SLC9A3: variants seen among roughly 807,000 people sequenced by gnomAD.
SLC9A3 encodes the protein sodium/hydrogen exchanger 3.
In SLC9A3, 37 loss-of-function variants were observed where a neutral mutation model predicts 86.8. That is an observed-to-expected ratio of 0.43 (90% CI 0.33 to 0.56). The LOEUF is 0.56. SLC9A3 is among the 20% of genes least tolerant of loss of function. The pLI is 0.06. For synonymous variants in SLC9A3, 581 were observed against 528.3 expected, an observed-to-expected ratio of 1.10 and a Z score of -1.37; for missense variants, 1,011 against 1,171.9, an observed-to-expected ratio of 0.86 and a Z score of 2.00.
chr5:502,074 C>T (rs1487755480), intron 1 of SLC9A3, among the ~76,000 whole-genome samples: 1 of 152,294 alleles, frequency 6.6e-6, no homozygotes, highest in Non-Finnish European at 1.5e-5. Context: ...ACATTTACAA[C>T]ACTCGAGCAA....
Position 488,384 on chromosome 5 carries a change from C to A in SLC9A3, c.607G>T (p.Val203Phe), listed in dbSNP as rs1166317282. ...PVAVLAVFEE[V>F]HVNEVLFIIV... is the part of the protein sequence containing the mutation. ...ATGAACAGGACCTCGTTGACATGGA[C>A]CTCCTCAAACACGGCCAGGACGGCC... Residue 203 changes from valine to phenylalanine, a missense_variant, in exon 3 of 17, where the codon GTC becomes TTC. By Grantham distance (50) the Val-to-Phe change is conservative. This residue lies in a region of SLC9A3 where 565 missense variants were observed against 790.0 expected (regional missense o/e 0.72). Coordinates refer to ENST00000264938, the MANE Select transcript of SLC9A3 (RefSeq NM_004174.4). 1 of 1,612,364 alleles carries A rather than the reference C, an allele frequency of 6.2e-7. No individual in the cohort carries two copies. Among genetic ancestry groups the A allele is most frequent in the Admixed American group, 1.7e-5 (1 of 59,980 alleles).
chr5:517,228 GCCAT>G (rs1310082557), intron 1 of SLC9A3, among the ~76,000 whole-genome samples: 2 of 137,488 alleles, frequency 1.5e-5, no homozygotes, highest in African/African-American at 2.8e-5. Context: ...TCACGCATCA[GCCAT>G]CCATCCATCT....
At chr5:481,443 G>A (rs957359045) in intron 9 of SLC9A3, 122 bp downstream of exon 9, 24 of 860,802 alleles carry the variant, frequency 2.8e-5, no homozygotes, top group East Asian at 2.4e-4. Flanking sequence ...ATGGGGCACC[G>A]GAGCCCTGAC....
chr5:498,273 G>A (rs1033963169), intron 1 of SLC9A3, among the ~76,000 whole-genome samples: 4 of 152,074 alleles, frequency 2.6e-5, no homozygotes, highest in Non-Finnish European at 4.4e-5. Context: ...TGCTGCTTCC[G>A]TGACTCACAT....
chr5:505,708 T>G (rs551682679), intron 1 of SLC9A3, among the ~76,000 whole-genome samples: 7 of 12,658 alleles, frequency 5.5e-4, no homozygotes, highest in Non-Finnish European at 9.3e-4. Context: ...GGGGGTGGGG[T>G]GGAGAGTGAC....
At position 479,884 on chromosome 5, in the gene SLC9A3, A is replaced by G. The variant is rs778170621; in HGVS notation, c.1599T>C (p.Asn533=). The change falls in exon 10 of 17, where the codon AAT becomes AAC. Residue 533 remains asparagine (N), a synonymous_variant. Coordinates refer to ENST00000264938, the MANE Select transcript of SLC9A3 (RefSeq NM_004174.4). The part of the protein sequence containing the change: ...SAQKSRDRIL[N]VFHELNLKDA... Reference sequence around the variant, plus strand: ...CCTTCAGGTTCAGCTCGTGGAAGACATTCAGGATCCGGTCTCGAGACTTCT... The same window carrying G: ...CCTTCAGGTTCAGCTCGTGGAAGACGTTCAGGATCCGGTCTCGAGACTTCT... The G allele has an allele frequency of 3.7e-6, 6 of 1,613,978 alleles. No homozygotes were observed. Among genetic ancestry groups the G allele is most frequent in the South Asian group, 1.1e-5 (1 of 91,088 alleles).
At chr5:477,640 T>C (rs1738838338) in intron 10 of SLC9A3, among the ~76,000 whole-genome samples, 196 bp from the exon 11 acceptor site, 1 of 152,142 alleles carries the variant, frequency 6.6e-6, no homozygotes, top group Non-Finnish European at 1.5e-5. Context: ...TGAGCCCCTG[T>C]CCGTCTGAGG....
chr5:477,594 G>A, intron 10 of SLC9A3, 150 bp from the exon 11 acceptor site: 1 of 562,516 alleles, frequency 1.8e-6, no homozygotes, highest in Non-Finnish European at 3.1e-6. Flanking sequence ...GCTGCAGAGG[G>A]AGGGGTGGAA....
At chr5:508,475 A>T (rs1266131360) in intron 1 of SLC9A3, among the ~76,000 whole-genome samples, 1 of 143,378 alleles carries the variant, frequency 7.0e-6, no homozygotes, top group Non-Finnish European at 1.5e-5. Context: ...CCGCAGGGAG[A>T]CACAGCCCAT....
chr5:504,951 G>T (rs35051913), intron 1 of SLC9A3, among the ~76,000 whole-genome samples: 5 of 151,670 alleles, frequency 3.3e-5, no homozygotes, highest in Non-Finnish European at 7.4e-5. Flanking sequence ...CAGTGGCCAC[G>T]TGGGCGCCAC....
Position 482,118 on chromosome 5 carries a change from T to G in SLC9A3, c.1396A>C (p.Lys466Gln). The change falls in exon 8 of 17, where the codon AAG (lysine) becomes CAG (glutamine). Residue 466 changes from lysine (K) to glutamine (Q), a missense_variant. Physicochemically the swap from Lys to Gln is moderately conservative, Grantham distance 53. Transcript: ENST00000264938. ...CGAGGTTCCCGGTGCTCGCTCCTCT[T>G]CACCTTCAGCCACTGCACCAGAGGC... is the stretch of plus-strand genomic sequence containing the variant. ...IKPLVQWLKVKRSEHREPRLN... is the reference protein window; with the variant it reads ...IKPLVQWLKVQRSEHREPRLN... The G allele has an allele frequency of 6.2e-7, 1 of 1,607,732 alleles. No homozygotes were observed. The highest frequency in any genetic ancestry group is 8.5e-7 in the Non-Finnish European group (1 of 1,178,066).
chr5:496,333 C>G lies in SLC9A3; in HGVS notation c.212-4262G>C, dbSNP rs1740018162. 1.1e-5 allele frequency among the ~76,000 whole-genome samples: 1 copy of G among 93,648 alleles called. No individual in the cohort carries two copies. Among genetic ancestry groups the G allele is most frequent in the South Asian group, 2.5e-4 (1 of 3,966 alleles). 61.4% of individuals were successfully genotyped at this position (93,648 alleles called of 152,430 possible). A position where few individuals can be genotyped will look rare whatever the true frequency, so the allele number is the denominator to read the frequency against. On this transcript the variant is annotated intron_variant, in intron 1 of 16. Transcript: ENST00000264938. This position sits in a 1 kb window ranked among gnomAD's most constrained non-coding sequence, Gnocchi z 4.7. The stretch of plus-strand genomic sequence containing the variant: ...GTCCCACCTGCCCACGGGGGAGGAG[C>G]CGCACCCATCCCCACCGGCCAGGCA...
Position 474,951 on chromosome 5 carries a change from C to T in SLC9A3, c.2433G>A (p.Val811=). 1 of 1,608,900 alleles carries T rather than the reference C, an allele frequency of 6.2e-7. No individual in the cohort carries two copies. The highest frequency in any genetic ancestry group is 8.5e-7 in the Non-Finnish European group (1 of 1,178,538). The change falls in exon 16 of 17, where the codon GTG becomes GTA. Residue 811 remains valine, a synonymous_variant. Coordinates refer to ENST00000264938, the MANE Select transcript of SLC9A3 (RefSeq NM_004174.4). ...GGCCGTCTGCCTGCAGGAAGGAGTC[C>T]ACGGACTTGCTGCTGAGGCGGAAGG... ...LMPFRLSSKS[V]DSFLQADGPE... is the part of the protein sequence containing the mutation.
intron 1 of SLC9A3, among the ~76,000 whole-genome samples, chr5:510,452 G>A (rs925961939): frequency 6.6e-6 from 1 of 152,316 alleles, no homozygotes; most frequent in Admixed American, 6.5e-5. Context: ...GCTTTACTGT[G>A]GTGACCACTG....
At chr5:477,138 A>G (rs890979) in intron 11 of SLC9A3, 194 bp downstream of exon 11, 244,544 of 548,244 alleles carry the variant, frequency 0.45, 57,001 homozygotes, top group African/African-American at 0.68. Flanking sequence ...TTCACCTTCC[A>G]TCCAGCACTA....
At chr5:513,976 G>A (rs960400987) in intron 1 of SLC9A3, among the ~76,000 whole-genome samples, 8 of 152,238 alleles carry the variant, frequency 5.3e-5, no homozygotes, top group Non-Finnish European at 7.3e-5. Flanking sequence ...CAGCCAACCC[G>A]AGCCAGTTCC....
In SLC9A3 at chr5:491,805, G is replaced by A; in HGVS notation, c.478C>T (p.Leu160=). The change falls in exon 2 of 17, where the codon CTG becomes TTG. Residue 160 remains leucine, a synonymous_variant. Transcript: ENST00000264938. This position sits in a 1 kb window ranked among gnomAD's most constrained non-coding sequence, Gnocchi z 9.2. ...CTGAGGAAGACGCCGTAGAGGGACAGCCCGGTGGTGGCCGCGTTCCACACG... is the reference window on the plus strand; with the variant it reads ...CTGAGGAAGACGCCGTAGAGGGACAACCCGGTGGTGGCCGCGTTCCACACG... The part of the protein sequence containing the change: ...GTVWNAATTG[L]SLYGVFLSGL... 1 of 1,583,722 alleles carries A rather than the reference G, an allele frequency of 6.3e-7. No homozygotes were observed. The highest frequency in any genetic ancestry group is 8.6e-7 in the Non-Finnish European group (1 of 1,164,992).
chr5:502,210 A>G (rs1178065052), intron 1 of SLC9A3, among the ~76,000 whole-genome samples: 1 of 152,234 alleles, frequency 6.6e-6, no homozygotes, highest in Non-Finnish European at 1.5e-5. Context: ...CCTCTGAGCC[A>G]GCCACGGCCT....
In SLC9A3 at chr5:476,270, T is replaced by C. The variant is rs760144809; in HGVS notation, c.1999A>G (p.Thr667Ala). ...TTGTTCTGGTTGAGCCCCAGCTTGG[T>C]CGACTTGAAGGACTCCAGGCGCTTC... ...MRKRLESFKS[T>A]KLGLNQNKKA... The change falls in exon 13 of 17, where the codon ACC (threonine) becomes GCC (alanine). Residue 667 changes from threonine to alanine, a missense_variant. Thr to Ala is a moderately conservative substitution (Grantham distance 58, BLOSUM62 0). Around this residue, in one of 3 missense-constraint regions of SLC9A3, gnomAD observed 397 missense variants for 346.3 expected, o/e 1.15. Coordinates refer to ENST00000264938, the MANE Select transcript of SLC9A3 (RefSeq NM_004174.4). The C allele has an allele frequency of 6.2e-7, 1 of 1,613,988 alleles. No homozygotes were observed. The highest frequency in any genetic ancestry group is 8.5e-7 in the Non-Finnish European group (1 of 1,180,010).
Sources: allele counts gnomAD v4.1 joint callset (sites outside exome capture counted in the v4.1 genomes callset), GRCh38; gene constraint gnomAD v4.1.1; regional missense constraint gnomAD v4.1.1; non-coding constraint Gnocchi (gnomAD v3.1); transcripts MANE v1.5; gene names NCBI Gene and HGNC (gene_info 2026-07-23, HGNC 2026-07-21).